FOXP1: variants seen among roughly 807,000 people sequenced by gnomAD.
FOXP1 encodes the protein forkhead box protein P1.
Under a neutral mutation model 98.2 loss-of-function variants are expected in FOXP1, and 15 were observed. The ratio of observed to expected loss-of-function variants is 0.15; its 90% CI spans 0.10 to 0.24. The LOEUF (loss-of-function observed/expected upper bound fraction) is 0.24. FOXP1 is among the 10% of genes least tolerant of loss of function. FOXP1 has a pLI of 1.00. For missense variants in FOXP1, 633 were observed against 848.5 expected (o/e 0.75, Z 3.15); for synonymous variants, 371 against 314.5 (o/e 1.18, Z -1.90).
At chr3:71,151,335 CG>C (rs1392024228) in intron 6 of FOXP1, among the ~76,000 whole-genome samples, 3 of 152,118 alleles carry the variant, frequency 2.0e-5, no homozygotes, top group African/African-American at 7.2e-5. Flanking sequence ...TCACTACGCG[CG>C]TCAGGATTTA....
chr3:71,432,528 C>T (rs2084813418), intron 3 of FOXP1, among the ~76,000 whole-genome samples: 1 of 152,126 alleles, frequency 6.6e-6, no homozygotes, highest in African/African-American at 2.4e-5. Flanking sequence ...TAATCTGCTC[C>T]TATTCCACCA....
chr3:71,029,288 G>A (rs538841105), intron 11 of FOXP1, among the ~76,000 whole-genome samples: 1 of 152,298 alleles, frequency 6.6e-6, no homozygotes, highest in South Asian at 2.1e-4. Flanking sequence ...CAATGGACAA[G>A]AGAGTTAAAA....
chr3:71,545,496 T>C (rs1490162788), intron 2 of FOXP1, among the ~76,000 whole-genome samples: 1 of 152,194 alleles, frequency 6.6e-6, no homozygotes, highest in Non-Finnish European at 1.5e-5. Flanking sequence ...AGGGTAAATA[T>C]TGATGGGGTT....
At chr3:71,126,041 T>G (rs1031119235) in intron 6 of FOXP1, among the ~76,000 whole-genome samples, 5 of 152,214 alleles carry the variant, frequency 3.3e-5, no homozygotes, top group Non-Finnish European at 7.3e-5. Flanking sequence ...ACAAGTGATT[T>G]TGAAAAGTGC....
At chr3:71,519,153 G>A (rs556999138) in intron 2 of FOXP1, among the ~76,000 whole-genome samples, 2 of 152,370 alleles carry the variant, frequency 1.3e-5, no homozygotes, top group South Asian at 4.1e-4. Context: ...GGCCGAGGCA[G>A]GAGAATCACT....
Position 70,972,637 on chromosome 3 carries a change from C to G in FOXP1, c.1570G>C (p.Val524Leu). The change falls in exon 18 of 21, where the codon GTG becomes CTG. Residue 524 changes from valine (V) to leucine (L), a missense_variant. Physicochemically the swap from Val to Leu is conservative, Grantham distance 32 (BLOSUM62 1). Coordinates refer to ENST00000649528, the MANE Select transcript of FOXP1 (RefSeq NM_001349338.3). ...RHNLSLHKCF[V>L]RVENVKGAVW... The stretch of plus-strand genomic sequence containing the variant: ...GCCCCTTTAACGTTTTCTACTCGCA[C>G]AAAACACTTGTGAAGACTAAGATTA... 6.2e-7 allele frequency: 1 copy of G among 1,613,954 alleles called. No individual in the cohort carries two copies. The highest frequency in any genetic ancestry group is 8.5e-7 in the Non-Finnish European group (1 of 1,179,834).
At chr3:71,155,869 C>T (rs2060795427) in intron 6 of FOXP1, among the ~76,000 whole-genome samples, 1 of 152,190 alleles carries the variant, frequency 6.6e-6, no homozygotes, top group South Asian at 2.1e-4. Context: ...AGAACTGAAA[C>T]AGACAAGACA....
At chr3:71,156,214 G>A (rs2060816447) in intron 6 of FOXP1, among the ~76,000 whole-genome samples, 1 of 152,162 alleles carries the variant, frequency 6.6e-6, no homozygotes, top group Admixed American at 6.5e-5. Context: ...AAGAGAAGGT[G>A]AGTAACCTGG....
intron 3 of FOXP1, among the ~76,000 whole-genome samples, chr3:71,486,945 G>A (rs1288647119): frequency 2.6e-5 from 4 of 152,130 alleles, no homozygotes; most frequent in African/African-American, 9.7e-5. Flanking sequence ...AGATTAATAT[G>A]CAAAAGGAAA....
intron 20 of FOXP1, among the ~76,000 whole-genome samples, chr3:70,959,811 T>A (rs542270755): frequency 1.3e-5 from 2 of 152,284 alleles, no homozygotes; most frequent in South Asian, 4.2e-4. Context: ...ATGCAGTGTG[T>A]GATTCAGGTC....
intron 6 of FOXP1, among the ~76,000 whole-genome samples, chr3:71,133,553 T>G (rs777346812): frequency 8.5e-5 from 13 of 152,222 alleles, no homozygotes; most frequent in Non-Finnish European, 1.2e-4. Flanking sequence ...CCGTGGCCAT[T>G]GTAGAGACCA....
At chr3:70,960,240 A>G (rs184520672) in intron 20 of FOXP1, among the ~76,000 whole-genome samples, 131 of 152,336 alleles carry the variant, frequency 8.6e-4, no homozygotes, top group African/African-American at 3.1e-3. Flanking sequence ...ACACAAACGT[A>G]GAGGAAAAGG....
intron 3 of FOXP1, among the ~76,000 whole-genome samples, chr3:71,469,615 C>G (rs1376550106): frequency 6.6e-6 from 1 of 152,168 alleles, no homozygotes; most frequent in East Asian, 1.9e-4. Flanking sequence ...ACATGGATTA[C>G]CAACTGGTAA....
chr3:71,465,381 A>C (rs1406602807), intron 3 of FOXP1, among the ~76,000 whole-genome samples: 2 of 152,016 alleles, frequency 1.3e-5, no homozygotes, highest in Non-Finnish European at 2.9e-5. Context: ...CATCTTCTTC[A>C]TAACAATGCT....
chr3:71,307,536 G>A (rs747087867), intron 4 of FOXP1, among the ~76,000 whole-genome samples: 1 of 152,142 alleles, frequency 6.6e-6, no homozygotes, highest in African/African-American at 2.4e-5. Context: ...AACTGAAGAC[G>A]CTGATTTTGT....
At position 70,959,189 on chromosome 3, in the gene FOXP1, T is replaced by G; in HGVS notation, c.*58A>C. The G allele has an allele frequency of 4.1e-6, 6 of 1,464,046 alleles. No homozygotes were observed. Among genetic ancestry groups the G allele is most frequent in the Non-Finnish European group, 5.7e-6 (6 of 1,061,430 alleles). The allele number at this position is 1,464,046 out of a possible 1,614,324, so 90.7% of individuals were successfully genotyped here. A position where few individuals can be genotyped will look rare whatever the true frequency, so the allele number is the denominator to read the frequency against. ...ACAATTTCACTGCTAACTTTTGACG[T>G]GTTTTTTTTTTTTTCCTTTTTCCAA... On this transcript the variant is annotated 3_prime_UTR_variant, in exon 21 of 21. Transcript: ENST00000649528.
intron 3 of FOXP1, among the ~76,000 whole-genome samples, chr3:71,384,855 G>A (rs1458183371): frequency 6.6e-6 from 1 of 152,128 alleles, no homozygotes; most frequent in Non-Finnish European, 1.5e-5. Flanking sequence ...TACTAGCATG[G>A]GAAGGCAATT....
intron 5 of FOXP1, among the ~76,000 whole-genome samples, chr3:71,216,435 C>T (rs926036336): frequency 3.9e-5 from 6 of 152,122 alleles, no homozygotes; most frequent in Non-Finnish European, 5.9e-5. Flanking sequence ...TCAAGAATGT[C>T]CAAACAGAAT....
chr3:71,114,913 T>G (rs934049023), intron 6 of FOXP1, among the ~76,000 whole-genome samples: 1 of 152,180 alleles, frequency 6.6e-6, no homozygotes, highest in Non-Finnish European at 1.5e-5. Context: ...GAGTGAAGAT[T>G]TCATTTATAT....
Sources: gnomAD v4.1 joint callset for allele counts (sites outside exome capture counted in the v4.1 genomes callset) on GRCh38, gnomAD v4.1.1 for gene constraint, MANE v1.5 for transcripts, NCBI Gene and HGNC (gene_info 2026-07-23, HGNC 2026-07-21) for gene names.